BAHCC1: variants seen among roughly 807,000 people sequenced by gnomAD.
BAHCC1 encodes BAH domain and coiled-coil containing 1.
BAHCC1 carries 43 observed loss-of-function variants against 88.2 expected under a neutral mutation model. The ratio of observed to expected loss-of-function variants is 0.49; its 90% confidence interval spans 0.38 to 0.63. BAHCC1 has a LOEUF of 0.63. BAHCC1 is among the 20% of genes least tolerant of loss of function. The pLI is 0.00. For synonymous variants in BAHCC1, 1,510 were observed against 745.5 expected (o/e 2.03, Z -16.71); for missense variants, 3,023 against 1,654.8 (o/e 1.83, Z -14.34).
Position 81,399,152 on chromosome 17 carries a change from T to TGCGC in BAHCC1, c.-206-379_-206-378insCGCG, listed in dbSNP as rs146560663. The stretch of plus-strand genomic sequence containing the variant: ...GAGTGTGTGTGTGTGTGTGTGTGTG[T>TGCGC]GCGAGTGTGCGTGATGGCTTCGCAG... On this transcript the variant is annotated intron_variant, in intron 1 of 27. Coordinates refer to ENST00000675386, the MANE Select transcript of BAHCC1 (RefSeq NM_001377448.1). The surrounding 1 kb of genome is among the most constrained non-coding windows in gnomAD (Gnocchi z 4.5). The TGCGC allele has an allele frequency of 8.7e-5, 32 of 367,436 alleles. No individual in the cohort carries two copies. Among genetic ancestry groups the TGCGC allele is most frequent in the African/African-American group, 1.6e-4 (7 of 44,236 alleles). The allele number at this position is 367,436 out of a possible 1,614,324, so 22.8% of individuals were successfully genotyped here. A position where few individuals can be genotyped will look rare whatever the true frequency, so the allele number is the denominator to read the frequency against.
intron 2 of BAHCC1, among the ~76,000 whole-genome samples, chr17:81,414,645 G>C (rs971088768): frequency 6.6e-6 from 1 of 152,210 alleles, no homozygotes; most frequent in Non-Finnish European, 1.5e-5. Context: ...CGTGTGTGTC[G>C]TGAGGACGTG....
At chr17:81,430,030 C>A (rs946561650) in intron 3 of BAHCC1, among the ~76,000 whole-genome samples, 4,626 of 152,272 alleles carry the variant, frequency 0.03, 189 homozygotes, top group African/African-American at 0.1. Flanking sequence ...CGCAGCTTAC[C>A]CGAGGCTCGC....
intron 2 of BAHCC1, chr17:81,415,448 G>C: frequency 2.2e-6 from 1 of 460,838 alleles, no homozygotes; most frequent in South Asian, 1.6e-5. Context: ...AGGGTAACGC[G>C]AGCGCGAGGC....
intron 2 of BAHCC1, among the ~76,000 whole-genome samples, chr17:81,418,780 TGTGTGTAC>T (rs2064069466): frequency 7.0e-6 from 1 of 142,962 alleles, no homozygotes; most frequent in African/African-American, 2.6e-5. Context: ...TGTGTACGTG[TGTGTGTAC>T]GTGTGTGCGT....
At chr17:81,449,960 A>C (rs1162343239) in intron 11 of BAHCC1, among the ~76,000 whole-genome samples, 3 of 152,056 alleles carry the variant, frequency 2.0e-5, no homozygotes, top group African/African-American at 7.2e-5. Context: ...CCTTTGGTGG[A>C]ATCTCAGGTG....
intron 13 of BAHCC1, 105 bp from the exon 14 acceptor site, chr17:81,452,618 T>C: frequency 1.8e-6 from 1 of 561,860 alleles, no homozygotes; most frequent in Non-Finnish European, 3.1e-6. Context: ...GGGCCGCATC[T>C]TTCCCCACAC....
chr17:81,444,118 G>A (rs1029374188), intron 6 of BAHCC1: 11 of 603,264 alleles, frequency 1.8e-5, no homozygotes, highest in Middle Eastern at 4.4e-4. Flanking sequence ...CCCTTGCAGC[G>A]GTCAGGTTAC....
intron 2 of BAHCC1, among the ~76,000 whole-genome samples, chr17:81,424,938 A>G (rs1352833677): frequency 1.5e-5 from 2 of 135,802 alleles, no homozygotes; most frequent in Admixed American, 7.3e-5. Context: ...GTTGGTGCTG[A>G]TAGTGGTGGG....
At chr17:81,446,789 A>T in intron 10 of BAHCC1, 2 of 666,976 alleles carry the variant, frequency 3.0e-6, no homozygotes, top group Non-Finnish European at 5.5e-6. Context: ...CTGGCCTCAA[A>T]TGATCCATCC....
chr17:81,418,796 C>CACGT (rs1555649103), intron 2 of BAHCC1, among the ~76,000 whole-genome samples: 1 of 144,800 alleles, frequency 6.9e-6, no homozygotes, highest in Non-Finnish European at 1.5e-5. Context: ...TACGTGTGTG[C>CACGT]GTGTGTGTGT....
chr17:81,440,260 C>T (rs996126613), intron 4 of BAHCC1, among the ~76,000 whole-genome samples: 2 of 152,228 alleles, frequency 1.3e-5, no homozygotes, highest in Non-Finnish European at 2.9e-5. Context: ...CGGGTCCCAA[C>T]CCCAGAAACC....
chr17:81,462,574 A>G, intron 26 of BAHCC1, 166 bp from the exon 27 acceptor site: 1 of 586,580 alleles, frequency 1.7e-6, no homozygotes, highest in Non-Finnish European at 3.0e-6. Context: ...CATGGCTGCC[A>G]TGGCCTTAAG....
At position 81,461,863 on chromosome 17, in the gene BAHCC1, C is replaced by G. The variant is rs565860405; in HGVS notation, c.7200C>G (p.Thr2400=). The G allele has an allele frequency of 1.4e-6, 1 of 722,294 alleles. No homozygotes were observed. The highest frequency in any genetic ancestry group is 2.6e-6 in the Non-Finnish European group (1 of 388,294). The allele number at this position is 722,294 out of a possible 1,614,324, so 44.7% of individuals were successfully genotyped here. A position where few individuals can be genotyped will look rare whatever the true frequency, so the allele number is the denominator to read the frequency against. ...CFLSRATVAG[T]GAGSGPSSSS... ...TGTCCAGGGCCACGGTGGCTGGCAC[C>G]GGTGCGGGCTCAGGCCCCAGCAGCA... Residue 2400 remains threonine, a synonymous_variant, in exon 26 of 28, where the codon ACC becomes ACG. Coordinates refer to ENST00000675386, the MANE Select transcript of BAHCC1 (RefSeq NM_001377448.1).
chr17:81,444,641 C>T (rs782136026), intron 7 of BAHCC1, 27 bp from the exon 8 acceptor site: 5 of 767,622 alleles, frequency 6.5e-6, no homozygotes, highest in Non-Finnish European at 1.2e-5. Flanking sequence ...AGTGCGAGGC[C>T]TGACCACTGT....
Position 81,460,855 on chromosome 17 carries a change from T to C in BAHCC1, c.6203-11T>C. ...CAGCTGGGGCTGACTCTGCTGGGCT[T>C]TTGCCCTCAGGTAAAGCCGAACTCC... On this transcript the variant is annotated splice_polypyrimidine_tract_variant and intron_variant, in intron 25 of 27. Coordinates refer to ENST00000675386, the MANE Select transcript of BAHCC1 (RefSeq NM_001377448.1). 1.3e-6 allele frequency: 1 copy of C among 766,490 alleles called. No individual in the cohort carries two copies. Among genetic ancestry groups the C allele is most frequent in the South Asian group, 1.3e-5 (1 of 74,628 alleles). The allele number at this position is 766,490 out of a possible 1,614,324, so 47.5% of individuals were successfully genotyped here.
chr17:81,417,091 C>T (rs777227207), intron 2 of BAHCC1, among the ~76,000 whole-genome samples: 3 of 152,134 alleles, frequency 2.0e-5, no homozygotes, highest in Non-Finnish European at 1.5e-5. Flanking sequence ...TGGGTGTCCA[C>T]GTGGCCTCCC....
At chr17:81,423,699 A>G (rs1555649884) in intron 2 of BAHCC1, among the ~76,000 whole-genome samples, 1 of 152,176 alleles carries the variant, frequency 6.6e-6, no homozygotes, top group Non-Finnish European at 1.5e-5. Flanking sequence ...CAGCAGGGCC[A>G]CCGTGTGCAG....
intron 1 of BAHCC1, among the ~76,000 whole-genome samples, chr17:81,397,846 G>A (rs910856068): frequency 6.6e-6 from 1 of 152,242 alleles, no homozygotes; most frequent in Non-Finnish European, 1.5e-5. Context: ...AGAACTCTTT[G>A]TGTAGACCCA....
intron 2 of BAHCC1, among the ~76,000 whole-genome samples, chr17:81,423,933 G>T (rs1195638123): frequency 1.3e-5 from 2 of 152,230 alleles, no homozygotes; most frequent in African/African-American, 4.8e-5. Context: ...GCCAGGAGAA[G>T]TGCGGGGTAT....
Sources: gnomAD v4.1 joint callset for allele counts (sites outside exome capture counted in the v4.1 genomes callset) on GRCh38, gnomAD v4.1.1 for gene constraint, Gnocchi (gnomAD v3.1) non-coding constraint, MANE v1.5 for transcripts, NCBI Gene and HGNC (gene_info 2026-07-23, HGNC 2026-07-21) for gene names.